The following HIVEP2 variants were observed in gnomAD, a reference collection of about 807,000 sequenced individuals.
HIVEP2 encodes the protein HIVEP zinc finger 2.
Under a neutral mutation model 180.7 loss-of-function variants are expected in HIVEP2, and 14 were observed. That is an observed-to-expected ratio of 0.08 (90% CI 0.05 to 0.12). The LOEUF (loss-of-function observed/expected upper bound fraction) is 0.12. Ranked by LOEUF, HIVEP2 falls within the 10% of genes least tolerant of loss-of-function variation. The pLI, the probability that HIVEP2 is intolerant of heterozygous loss-of-function variation, is 1.00. For missense variants in HIVEP2, 2,579 were observed against 3,008.5 expected (o/e 0.86, Z 3.34); for synonymous variants, 1,184 against 1,136.4 (o/e 1.04, Z -0.84).
intron 1 of HIVEP2, among the ~76,000 whole-genome samples, chr6:142,912,988 G>C (rs189791524): frequency 6.6e-6 from 1 of 152,312 alleles, no homozygotes; most frequent in East Asian, 1.9e-4. Context: ...GTACTTAGCA[G>C]ACATAAATCA....
intron 5 of HIVEP2, among the ~76,000 whole-genome samples, chr6:142,769,054 C>G (rs1047961537): frequency 6.7e-6 from 1 of 148,868 alleles, no homozygotes; most frequent in Non-Finnish European, 1.5e-5. Flanking sequence ...AACCAGCCAG[C>G]AACTTGGAAA....
At chr6:142,800,169 C>G (rs1776369898) in intron 2 of HIVEP2, among the ~76,000 whole-genome samples, 1 of 152,134 alleles carries the variant, frequency 6.6e-6, no homozygotes, top group Non-Finnish European at 1.5e-5. Flanking sequence ...TAATAGCTCA[C>G]AAATATCTGA....
intron 1 of HIVEP2, among the ~76,000 whole-genome samples, chr6:142,921,841 C>T (rs1777689818): frequency 6.6e-6 from 1 of 152,192 alleles, no homozygotes; most frequent in Non-Finnish European, 1.5e-5. Context: ...GCCTTCTCCA[C>T]ACTTCCAAAA....
chr6:142,944,268 GT>G (rs1778247007), intron 1 of HIVEP2, among the ~76,000 whole-genome samples: 1 of 151,608 alleles, frequency 6.6e-6, no homozygotes, highest in Non-Finnish European at 1.5e-5. Flanking sequence ...CACTGGATGT[GT>G]TATGTAAGAG....
At chr6:142,929,398 C>G (rs1170455744) in intron 1 of HIVEP2, among the ~76,000 whole-genome samples, 1 of 151,936 alleles carries the variant, frequency 6.6e-6, no homozygotes, top group Non-Finnish European at 1.5e-5. Context: ...ATATAAAGAT[C>G]AGTATGAGAA....
chr6:142,945,363 C>T (rs537505442), upstream of HIVEP2, among the ~76,000 whole-genome samples: 17 of 152,258 alleles, frequency 1.1e-4, no homozygotes, highest in South Asian at 3.3e-3. The surrounding 1 kb of genome is among the most constrained non-coding windows in gnomAD (Gnocchi z 5.5). Flanking sequence ...CTCGGGCCAC[C>T]GGGAAGGGGC....
intron 1 of HIVEP2, among the ~76,000 whole-genome samples, chr6:142,900,769 C>T (rs1332011790): frequency 6.6e-6 from 1 of 152,080 alleles, no homozygotes; most frequent in African/African-American, 2.4e-5. Flanking sequence ...TTCTATCAGG[C>T]CTCCTTGCAC....
intron 1 of HIVEP2, among the ~76,000 whole-genome samples, chr6:142,934,952 T>C (rs1353247108): frequency 6.6e-6 from 1 of 151,990 alleles, no homozygotes; most frequent in Non-Finnish European, 1.5e-5. Flanking sequence ...TCCACAATCA[T>C]GAGCAACAGC....
chr6:142,912,728 A>G (rs1239731456), intron 1 of HIVEP2, among the ~76,000 whole-genome samples: 1 of 152,232 alleles, frequency 6.6e-6, no homozygotes, highest in Non-Finnish European at 1.5e-5. Context: ...TCCTTATGAC[A>G]ATCTAATGTC....
At chr6:142,780,682 G>A (rs1222913313) in intron 3 of HIVEP2, among the ~76,000 whole-genome samples, 1 of 152,144 alleles carries the variant, frequency 6.6e-6, no homozygotes, top group African/African-American at 2.4e-5. Flanking sequence ...GAAATTGTGT[G>A]CATCATAATC....
At chr6:142,898,714 T>C (rs1777059904) in intron 1 of HIVEP2, among the ~76,000 whole-genome samples, 1 of 152,096 alleles carries the variant, frequency 6.6e-6, no homozygotes, top group African/African-American at 2.4e-5. Flanking sequence ...ACTACTTTTC[T>C]CAAAGGCCTG....
intron 1 of HIVEP2, among the ~76,000 whole-genome samples, chr6:142,934,145 G>A (rs77138712): frequency 0.018 from 2,741 of 152,236 alleles, 43 homozygotes; most frequent in East Asian, 0.081. Context: ...TGTCACCAAT[G>A]TATTGCTGTA....
At chr6:142,766,394 T>C (rs1180883075) in intron 6 of HIVEP2, among the ~76,000 whole-genome samples, 2 of 152,208 alleles carry the variant, frequency 1.3e-5, no homozygotes, top group East Asian at 3.8e-4. Context: ...TTTATCTTTG[T>C]CTTTTGCAAT....
Position 142,753,710 on chromosome 6 carries a change from A to G in HIVEP2, c.6738T>C (p.Ser2246=). 6.2e-7 allele frequency: 1 copy of G among 1,614,146 alleles called. No individual in the cohort carries two copies. Among genetic ancestry groups the G allele is most frequent in the Non-Finnish European group, 8.5e-7 (1 of 1,180,014 alleles). Residue 2246 remains serine, a synonymous_variant, in exon 10 of 10, where the codon AGT becomes AGC. Transcript: ENST00000367603. The stretch of plus-strand genomic sequence containing the variant: ...GGGGCAATGTGGGTGAAGGATGTAA[A>G]CTGGAAAGGGCTGGCGGCATGGAGT... ...MVHSMPPALS[S]LHPSPTLPLP...
intron 2 of HIVEP2, among the ~76,000 whole-genome samples, chr6:142,821,055 C>A (rs1777020191): frequency 6.6e-6 from 1 of 152,142 alleles, no homozygotes; most frequent in African/African-American, 2.4e-5. Flanking sequence ...AAGATCAAGG[C>A]ACTGTCATGT....
chr6:142,880,796 T>G (rs1457722838), intron 1 of HIVEP2, among the ~76,000 whole-genome samples: 1 of 152,124 alleles, frequency 6.6e-6, no homozygotes, highest in East Asian at 1.9e-4. Context: ...TTGGCACAAT[T>G]TGAGGCCACA....
intron 1 of HIVEP2, among the ~76,000 whole-genome samples, chr6:142,935,222 A>G (rs1778023671): frequency 6.6e-6 from 1 of 152,256 alleles, no homozygotes; most frequent in Non-Finnish European, 1.5e-5. Context: ...CCTGGGGAAC[A>G]TTAAAATCAA....
intron 3 of HIVEP2, among the ~76,000 whole-genome samples, chr6:142,777,827 T>C (rs1775744503): frequency 2.6e-5 from 4 of 152,196 alleles, no homozygotes; most frequent in Admixed American, 2.6e-4. Flanking sequence ...GTTAATAATT[T>C]TTTAAAATGC....
At chr6:142,944,479 C>A (rs921130326) in intron 1 of HIVEP2, among the ~76,000 whole-genome samples, 1 of 151,802 alleles carries the variant, frequency 6.6e-6, no homozygotes, top group Non-Finnish European at 1.5e-5. Flanking sequence ...TCCTGTCTCA[C>A]CCCTACCAGT....
Sources: allele counts gnomAD v4.1 joint callset (sites outside exome capture counted in the v4.1 genomes callset), GRCh38; gene constraint gnomAD v4.1.1; non-coding constraint Gnocchi (gnomAD v3.1); transcripts MANE v1.5; gene names NCBI Gene and HGNC (gene_info 2026-07-23, HGNC 2026-07-21).